The following FANK1 variants were observed in gnomAD, a reference collection of about 807,000 sequenced individuals.
FANK1 encodes the protein fibronectin type 3 and ankyrin repeat domains protein 1.
FANK1 carries 44 observed loss-of-function variants against 45.3 expected under a neutral mutation model. The observed-to-expected ratio is 0.97, with a 90% CI of 0.76 to 1.25. The LOEUF is 1.25. Among genes scored for constraint, FANK1 ranks in the 50% most tolerant of loss-of-function variants. The pLI, the probability that FANK1 is intolerant of heterozygous loss-of-function variation, is 0.00. For synonymous variants in FANK1, 149 were observed against 152.5 expected, an observed-to-expected ratio of 0.98 and a Z score of 0.17; for missense variants, 391 against 424.4, an observed-to-expected ratio of 0.92 and a Z score of 0.69.
intron 1 of FANK1, among the ~76,000 whole-genome samples, chr10:125,949,147 C>G (rs1949024146): frequency 6.6e-6 from 1 of 151,924 alleles, no homozygotes; most frequent in Non-Finnish European, 1.5e-5. Context: ...CTATGGCAAA[C>G]CCACAGCCAA....
At chr10:125,957,773 C>T (rs1387135397) in intron 1 of FANK1, among the ~76,000 whole-genome samples, 4 of 152,100 alleles carry the variant, frequency 2.6e-5, no homozygotes, top group African/African-American at 9.7e-5. Context: ...AATCCCTTCG[C>T]CTTGGCCTCC....
At chr10:126,007,425 T>C in intron 7 of FANK1, among the ~76,000 whole-genome samples, 1 of 152,240 alleles carries the variant, frequency 6.6e-6, no homozygotes, top group East Asian at 1.9e-4. Context: ...TTATTATTCT[T>C]TAAATATAAT....
chr10:125,910,409 G>A (rs1170164199), intron 1 of FANK1, among the ~76,000 whole-genome samples: 2 of 152,146 alleles, frequency 1.3e-5, no homozygotes, highest in Non-Finnish European at 2.9e-5. Flanking sequence ...AAGAATGTTA[G>A]TGAAAAGTCT....
intron 1 of FANK1, among the ~76,000 whole-genome samples, chr10:125,928,673 A>G (rs1055458958): frequency 6.6e-6 from 1 of 152,084 alleles, no homozygotes; most frequent in Non-Finnish European, 1.5e-5. Flanking sequence ...GTAGTATCTC[A>G]TGGTGTTTGT....
At chr10:125,989,234 T>G in intron 3 of FANK1, 5 of 1,522,170 alleles carry the variant, frequency 3.3e-6, no homozygotes, top group African/African-American at 1.4e-5. Flanking sequence ...AGGTTGTTTC[T>G]GAGATTGGTA....
intron 1 of FANK1, among the ~76,000 whole-genome samples, chr10:125,941,737 A>C (rs1948465147): frequency 1.3e-5 from 2 of 152,258 alleles, no homozygotes; most frequent in Non-Finnish European, 2.9e-5. Flanking sequence ...GGCTACTCAC[A>C]ACTTGATATA....
chr10:125,983,447 A>G lies in FANK1; in HGVS notation c.191+3109A>G, dbSNP rs1374961520. On this transcript the variant is annotated intron_variant, in intron 2 of 10. Coordinates refer to ENST00000368693, the MANE Select transcript of FANK1 (RefSeq NM_145235.5). The surrounding 1 kb of genome is among the most constrained non-coding windows in gnomAD (Gnocchi z 4.3). Reference sequence around the variant, plus strand: ...TGAAGGCAAACAATAAATAAGATACATAAGTAAAAATAGGTAGTCAGCAGG... The same window carrying G: ...TGAAGGCAAACAATAAATAAGATACGTAAGTAAAAATAGGTAGTCAGCAGG... 2.0e-5 allele frequency among the ~76,000 whole-genome samples: 3 copies of G among 152,204 alleles called. No individual in the cohort carries two copies. Among genetic ancestry groups the G allele is most frequent in the Non-Finnish European group, 4.4e-5 (3 of 68,042 alleles).
At position 126,004,893 on chromosome 10, in the gene FANK1, G is replaced by A; in HGVS notation, c.549G>A (p.Leu183=). 1 of 1,614,148 alleles carries A rather than the reference G, an allele frequency of 6.2e-7. No individual in the cohort carries two copies. Among genetic ancestry groups the A allele is most frequent in the African/African-American group, 1.3e-5 (1 of 75,044 alleles). ...KNGSGKDSLM[L]ACYAGHLDVV... ...CTTCCATATGTTGCAGTCTAATGCT[G>A]GCGTGCTATGCGGGACACCTAGATG... The change falls in exon 7 of 11, where the codon CTG becomes CTA. Residue 183 remains leucine, a synonymous_variant. Coordinates refer to ENST00000368693, the MANE Select transcript of FANK1 (RefSeq NM_145235.5).
intron 1 of FANK1, among the ~76,000 whole-genome samples, chr10:125,929,655 G>A (rs1163722291): frequency 1.3e-5 from 2 of 152,114 alleles, no homozygotes; most frequent in Admixed American, 6.6e-5. Flanking sequence ...TTTATGTATG[G>A]TATTGTTAAC....
At chr10:125,987,523 G>T (rs1048582480) in intron 2 of FANK1, among the ~76,000 whole-genome samples, 1 of 117,298 alleles carries the variant, frequency 8.5e-6, no homozygotes, top group Non-Finnish European at 1.7e-5. Flanking sequence ...GAAAGAGCTG[G>T]AAATGACACA....
chr10:125,924,410 C>T lies in FANK1; in HGVS notation c.13+27755C>T, dbSNP rs28719792. On this transcript the variant is annotated intron_variant, in intron 1 of 10. Transcript: ENST00000368693. The stretch of plus-strand genomic sequence containing the variant: ...CTGGGACTACAGGTGTGCACCACCA[C>T]GCCCACCTAATTTTTGTATTTTTAG... 2.0e-5 allele frequency among the ~76,000 whole-genome samples: 3 copies of T among 151,708 alleles called. No individual in the cohort carries two copies. In the South Asian group the frequency reaches 6.3e-4, roughly 32 times the overall value.
At chr10:125,901,098 C>T (rs1945000335) in intron 1 of FANK1, among the ~76,000 whole-genome samples, 1 of 152,012 alleles carries the variant, frequency 6.6e-6, no homozygotes, top group African/African-American at 2.4e-5. Context: ...TGGGCTCACG[C>T]ATGTTTTTAA....
chr10:125,994,500 G>C, intron 3 of FANK1: 1 of 985,352 alleles, frequency 1.0e-6, no homozygotes. Context: ...AAGTGGTGGG[G>C]CTGTATCCAC....
rs548286789 is a variant in FANK1 at position 125,971,051 on chromosome 10, A to G, written c.14-9110A>G. On this transcript the variant is annotated intron_variant, in intron 1 of 10. Transcript: ENST00000368693. ...AAACTTGGGGGTGATAACATTTACA[A>G]ATAGACTTGTTCATGTATTAGTAGT... Among the ~76,000 whole-genome samples, 7 of 152,306 alleles carry G rather than the reference A, an allele frequency of 4.6e-5. No homozygotes were observed. The East Asian group carries it at 5.8e-4, about 13-fold the overall frequency.
In FANK1 at chr10:125,896,571, G is replaced by C. The variant is rs1418254635; in HGVS notation, c.-72G>C. ...CCTCCGGGTTGTCAGGGCAACCGTA[G>C]CGACGCCGGCCCTGGCTGAGAGGCG... is the stretch of plus-strand genomic sequence containing the variant. On this transcript the variant is annotated 5_prime_UTR_variant, in exon 1 of 11. Coordinates refer to ENST00000368693, the MANE Select transcript of FANK1 (RefSeq NM_145235.5). 2.4e-6 allele frequency: 3 copies of C among 1,245,172 alleles called. No homozygotes were observed. The highest frequency in any genetic ancestry group is 3.0e-6 in the Non-Finnish European group (3 of 991,570). The allele number at this position is 1,245,172 out of a possible 1,614,324, so 77.1% of individuals were successfully genotyped here.
intron 2 of FANK1, among the ~76,000 whole-genome samples, chr10:125,981,969 T>C (rs1951251079): frequency 6.6e-6 from 1 of 152,254 alleles, no homozygotes; most frequent in South Asian, 2.1e-4. Flanking sequence ...TGAGTGATAA[T>C]ATATCTGATA....
chr10:125,941,365 C>T (rs537495703), intron 1 of FANK1, among the ~76,000 whole-genome samples: 2 of 152,246 alleles, frequency 1.3e-5, no homozygotes, highest in East Asian at 1.9e-4. Flanking sequence ...ATAAGACCAT[C>T]GTAAGATACG....
At position 126,000,115 on chromosome 10, in the gene FANK1, A is replaced by G. The variant is rs564982286; in HGVS notation, c.539+2630A>G. On this transcript the variant is annotated intron_variant, in intron 6 of 10. Coordinates refer to ENST00000368693, the MANE Select transcript of FANK1 (RefSeq NM_145235.5). ...AACCCTAAAAACCTTACTGAGAGAT[A>G]TAAAAATTTAAGAAATAAAGACATG... 1.3e-4 allele frequency among the ~76,000 whole-genome samples: 20 copies of G among 152,362 alleles called. No individual in the cohort carries two copies. The South Asian group carries it at 3.7e-3, about 28-fold the overall frequency.
intron 1 of FANK1, among the ~76,000 whole-genome samples, chr10:125,947,327 TAA>T (rs1279416349): frequency 2.0e-5 from 3 of 149,898 alleles, no homozygotes; most frequent in Admixed American, 6.6e-5. Flanking sequence ...GCAAATTGGA[TAA>T]AGAGTCAAGA....
Sources: allele counts gnomAD v4.1 joint callset (sites outside exome capture counted in the v4.1 genomes callset), GRCh38; gene constraint gnomAD v4.1.1; non-coding constraint Gnocchi (gnomAD v3.1); transcripts MANE v1.5; gene names NCBI Gene and HGNC (gene_info 2026-07-23, HGNC 2026-07-21).